MAP3K13: variants seen among roughly 807,000 people sequenced by gnomAD.
MAP3K13 encodes leucine zipper-bearing kinase.
In MAP3K13, 52 loss-of-function variants were observed where a neutral mutation model predicts 104.0. The ratio of observed to expected loss-of-function variants is 0.50; its 90% CI spans 0.40 to 0.63. The LOEUF is 0.63. Among genes scored for constraint, MAP3K13 ranks in the 20% least tolerant of loss-of-function variants. MAP3K13 has a pLI of 0.00. For missense variants in MAP3K13, 914 were observed against 1,218.5 expected (o/e 0.75, Z 3.72); for synonymous variants, 394 against 442.2 (o/e 0.89, Z 1.37).
chr3:185,291,425 AT>A (rs1408385015), intron 2 of MAP3K13, among the ~76,000 whole-genome samples: 1 of 152,116 alleles, frequency 6.6e-6, no homozygotes, highest in East Asian at 1.9e-4. Context: ...ATATTCAGCC[AT>A]TTTGTCTACT....
chr3:185,420,782 T>C (rs1714074011), intron 1 of MAP3K13, among the ~76,000 whole-genome samples: 1 of 152,214 alleles, frequency 6.6e-6, no homozygotes, highest in Non-Finnish European at 1.5e-5. Flanking sequence ...ATTAGTAACA[T>C]GGGAAAAATT....
chr3:185,353,229 G>A (rs1168772927), intron 2 of MAP3K13, among the ~76,000 whole-genome samples: 1 of 152,116 alleles, frequency 6.6e-6, no homozygotes, highest in African/African-American at 2.4e-5. Context: ...AAATTTAAAG[G>A]AGTTTAATTG....
intron 9 of MAP3K13, 40 bp downstream of exon 9, chr3:185,465,903 T>G (rs1717388647): frequency 1.4e-6 from 2 of 1,413,638 alleles, no homozygotes; most frequent in African/African-American, 2.8e-5. Flanking sequence ...CTGATTTGAG[T>G]CTGTCAATCA....
At chr3:185,321,988 C>T (rs182691851) in intron 2 of MAP3K13, among the ~76,000 whole-genome samples, 2 of 152,308 alleles carry the variant, frequency 1.3e-5, no homozygotes, top group Admixed American at 6.5e-5. Flanking sequence ...CAAGTATCCC[C>T]TTACGGAAAT....
At chr3:185,364,919 G>A (rs1183653189) in intron 1 of MAP3K13, among the ~76,000 whole-genome samples, 1 of 152,130 alleles carries the variant, frequency 6.6e-6, no homozygotes, top group Non-Finnish European at 1.5e-5. Context: ...TCTTCAGAGA[G>A]TTTGTTGAAA....
At chr3:185,369,272 A>C (rs1232906662) in intron 1 of MAP3K13, among the ~76,000 whole-genome samples, 1 of 152,198 alleles carries the variant, frequency 6.6e-6, no homozygotes, top group Admixed American at 6.5e-5. Flanking sequence ...TGTATTGTTT[A>C]TGTGCGGATA....
chr3:185,302,613 T>A (rs1237884828), intron 2 of MAP3K13, among the ~76,000 whole-genome samples: 2 of 152,162 alleles, frequency 1.3e-5, no homozygotes, highest in Non-Finnish European at 2.9e-5. Flanking sequence ...TGGGTTTGTT[T>A]TCTTAGTTTC....
At chr3:185,472,147 T>C (rs1408996078) in intron 10 of MAP3K13, among the ~76,000 whole-genome samples, 3 of 152,128 alleles carry the variant, frequency 2.0e-5, no homozygotes, top group African/African-American at 7.2e-5. Flanking sequence ...TCCTCACAAA[T>C]TGATGTGGTT....
At chr3:185,378,065 G>A (rs140482624) in intron 1 of MAP3K13, among the ~76,000 whole-genome samples, 7,816 of 152,266 alleles carry the variant, frequency 0.051, 274 homozygotes, top group Non-Finnish European at 0.081. Context: ...GAGTTCTTGT[G>A]TGCTGGAGAT....
At chr3:185,451,071 C>T (rs1202456796) in intron 6 of MAP3K13, among the ~76,000 whole-genome samples, 1 of 152,146 alleles carries the variant, frequency 6.6e-6, no homozygotes, top group Non-Finnish European at 1.5e-5. Flanking sequence ...GCCTGAGTGA[C>T]AGAGCGAGAC....
At chr3:185,474,919 A>C (rs1718023376) in intron 11 of MAP3K13, among the ~76,000 whole-genome samples, 1 of 151,996 alleles carries the variant, frequency 6.6e-6, no homozygotes, top group African/African-American at 2.4e-5. Context: ...GCATGGTGAA[A>C]TCCTATCTCT....
Position 185,340,756 on chromosome 3 carries a change from T to C in MAP3K13, c.-86+55113T>C, listed in dbSNP as rs868237583. ...AGTGAGTAAGTCTCACAAGATCTGATGGTTTTATAAGGGTCTGGCATTTCC... is the reference window on the plus strand; with the variant it reads ...AGTGAGTAAGTCTCACAAGATCTGACGGTTTTATAAGGGTCTGGCATTTCC... On this transcript the variant is annotated intron_variant, in intron 2 of 14. Transcript: ENST00000424227. Among the ~76,000 whole-genome samples the C allele has an allele frequency of 6.7e-4, 102 of 152,204 alleles. No individual in the cohort carries two copies. The Middle Eastern group carries it at 0.01, about 15-fold the overall frequency.
intron 2 of MAP3K13, among the ~76,000 whole-genome samples, chr3:185,332,106 C>G (rs1722305545): frequency 6.6e-6 from 1 of 152,148 alleles, no homozygotes; most frequent in Non-Finnish European, 1.5e-5. Context: ...GTACATGTAT[C>G]ATTTTATACA....
chr3:185,293,126 T>C (rs984783606), intron 2 of MAP3K13: 3 of 865,198 alleles, frequency 3.5e-6, no homozygotes, highest in South Asian at 1.1e-4. Context: ...TTTTTCTTTT[T>C]CTTTTTTTTG....
At chr3:185,290,888 G>C (rs190509260) in intron 2 of MAP3K13, among the ~76,000 whole-genome samples, 13 of 152,258 alleles carry the variant, frequency 8.5e-5, no homozygotes, top group Admixed American at 5.2e-4. Flanking sequence ...TTAAGTCAGT[G>C]AGATTAAAAA....
intron 1 of MAP3K13, among the ~76,000 whole-genome samples, chr3:185,365,848 CCCCATCCCCTCCCCTCCCCT>C (rs1560067430): frequency 3.8e-4 from 3 of 7,848 alleles, no homozygotes; most frequent in African/African-American, 9.3e-4. Context: ...ACCTCTTTCT[CCCCATCCCCTCCCCTCCCCT>C]CCCCTCCCCT....
intron 13 of MAP3K13, among the ~76,000 whole-genome samples, chr3:185,481,810 C>T (rs146862039): frequency 3.9e-5 from 6 of 152,164 alleles, no homozygotes; most frequent in Non-Finnish European, 5.9e-5. Flanking sequence ...TACCACCGGG[C>T]GCAGTGGCTC....
At chr3:185,308,318 A>G (rs981784626) in intron 2 of MAP3K13, among the ~76,000 whole-genome samples, 6 of 151,930 alleles carry the variant, frequency 3.9e-5, no homozygotes, top group Non-Finnish European at 7.4e-5. Context: ...GTGTCTTTCC[A>G]TGGTACTGCT....
intron 7 of MAP3K13, among the ~76,000 whole-genome samples, chr3:185,455,188 TGAGATATATATATGATATATATGA>T (rs2148904108): frequency 1.0e-5 from 1 of 97,726 alleles, no homozygotes; most frequent in Non-Finnish European, 2.0e-5. Flanking sequence ...ATGATATATA[TGAGATATATATATGATATATATGA>T]GATATATATA....
Sources: gnomAD v4.1 joint callset for allele counts (sites outside exome capture counted in the v4.1 genomes callset) on GRCh38, gnomAD v4.1.1 for gene constraint, MANE v1.5 for transcripts, NCBI Gene and HGNC (gene_info 2026-07-23, HGNC 2026-07-21) for gene names.